APOBEC2: variants seen among roughly 807,000 people sequenced by gnomAD.
APOBEC2 encodes the protein apolipoprotein B mRNA editing enzyme catalytic subunit 2.
In APOBEC2, 14 loss-of-function variants were observed where a neutral mutation model predicts 19.4. That is an observed-to-expected ratio of 0.72 (90% CI 0.48 to 1.13). APOBEC2 has a LOEUF of 1.13. APOBEC2 is among the 50% of genes most tolerant of loss of function. The pLI is 0.00. For missense variants in APOBEC2, 304 were observed against 277.0 expected (o/e 1.10, Z -0.69); for synonymous variants, 127 against 112.1 (o/e 1.13, Z -0.84).
Position 41,053,466 on chromosome 6 carries a change from A to C in APOBEC2, c.119A>C (p.Glu40Ala). The change falls in exon 1 of 3, where the codon GAG (glutamate) becomes GCG (alanine). Residue 40 changes from glutamate (E) to alanine (A), a missense_variant. Physicochemically the swap from Glu to Ala is moderately radical, Grantham distance 107. Transcript: ENST00000244669. ...GAGCTGATTGAGCTGCCGCCCTTTG[A>C]GATTGTCACAGGGTAAGCCTCAGAT... ...LKELIELPPF[E>A]IVTGERLPAN... is the part of the protein sequence containing the mutation. 6.2e-7 allele frequency: 1 copy of C among 1,614,150 alleles called. No homozygotes were observed. Among genetic ancestry groups the C allele is most frequent in the Admixed American group, 1.7e-5 (1 of 60,012 alleles).
At chr6:41,060,998 A>C (rs1332591875) in intron 1 of APOBEC2, among the ~76,000 whole-genome samples, 2 of 152,184 alleles carry the variant, frequency 1.3e-5, no homozygotes, top group Admixed American at 1.3e-4. Flanking sequence ...GGTGATTCTA[A>C]GGTATAGGCA....
At chr6:41,057,694 A>G (rs1178359705) in intron 1 of APOBEC2, among the ~76,000 whole-genome samples, 2 of 152,116 alleles carry the variant, frequency 1.3e-5, no homozygotes, top group African/African-American at 4.8e-5. Flanking sequence ...CTATGAGTAG[A>G]TTTTTCCACT....
rs1485185802 is a variant in APOBEC2, at chr6:41,060,717, G to A, written c.132-611G>A. Among the ~76,000 whole-genome samples the A allele has an allele frequency of 2.6e-5, 4 of 152,184 alleles. No homozygotes were observed. The South Asian group carries it at 8.3e-4, about 31-fold the overall frequency. ...ACAGACTTGAGAAGTAGTCACTTGA[G>A]AAGGAGAGCATGTTATTGCAAGTTT... On this transcript the variant is annotated intron_variant, in intron 1 of 2. Coordinates refer to ENST00000244669, the MANE Select transcript of APOBEC2 (RefSeq NM_006789.4).
rs747044459 is a variant in APOBEC2 at position 41,061,605 on chromosome 6, A to C, written c.409A>C (p.Lys137Gln). The change falls in exon 2 of 3, where the codon AAA (lysine) becomes CAA (glutamine). Residue 137 changes from lysine to glutamine, a missense_variant. Transcript: ENST00000244669. ...PCAACADRII[K>Q]TLSKTKNLRL... ...TGCAGCGTGTGCTGACCGCATTATC[A>C]AAACCCTTAGCAAGACCAAGAACCT... The C allele has an allele frequency of 6.2e-7, 1 of 1,614,164 alleles. No homozygotes were observed. Among genetic ancestry groups the C allele is most frequent in the South Asian group, 1.1e-5 (1 of 91,078 alleles).
At chr6:41,063,364 T>C (rs2268189) in intron 2 of APOBEC2, among the ~76,000 whole-genome samples, 12,821 of 152,172 alleles carry the variant, frequency 0.084, 645 homozygotes, top group Non-Finnish European at 0.11. Context: ...AAAATTTAAC[T>C]TTTAGAATTC....
rs375076306 is a variant in APOBEC2, at chr6:41,058,151, C to CCACA, written c.132-3143_132-3140dup. On this transcript the variant is annotated intron_variant, in intron 1 of 2. Transcript: ENST00000244669. ...CACCACCCACCACCACCACCCCACC[C>CCACA]CACACACACACACACACACACACAC... Among the ~76,000 whole-genome samples the CCACA allele has an allele frequency of 3.5e-3, 243 of 69,006 alleles. 6 individuals carry two copies. Among genetic ancestry groups the CCACA allele is most frequent in the Middle Eastern group, 9.1e-3 (1 of 110 alleles). The allele number at this position is 69,006 out of a possible 152,430, so 45.3% of individuals were successfully genotyped here.
In APOBEC2 at chr6:41,053,279, G is replaced by T; in HGVS notation, c.-69G>T. On this transcript the variant is annotated 5_prime_UTR_variant, in exon 1 of 3. Transcript: ENST00000244669. ...GCTGACAGCTGCTTGGGACTCTGCC[G>T]CCAGGGCCTGGCCCAGACCTGCCTG... is the stretch of plus-strand genomic sequence containing the variant. The T allele has an allele frequency of 6.4e-7, 1 of 1,557,336 alleles. No individual in the cohort carries two copies. The highest frequency in any genetic ancestry group is 8.7e-7 in the Non-Finnish European group (1 of 1,155,240).
chr6:41,058,421 ACACACT>A (rs1393634634), intron 1 of APOBEC2, among the ~76,000 whole-genome samples: 14 of 144,996 alleles, frequency 9.7e-5, no homozygotes, highest in South Asian at 6.5e-4. Flanking sequence ...ACACACACAC[ACACACT>A]CACACACACA....
At chr6:41,062,811 A>G (rs1473635751) in intron 2 of APOBEC2, among the ~76,000 whole-genome samples, 1 of 152,192 alleles carries the variant, frequency 6.6e-6, no homozygotes, top group Non-Finnish European at 1.5e-5. Flanking sequence ...AAGAGGGCTA[A>G]AGGATCCTTT....
chr6:41,058,134 A>C, intron 1 of APOBEC2, among the ~76,000 whole-genome samples: 1 of 144,412 alleles, frequency 6.9e-6, no homozygotes, highest in Non-Finnish European at 1.5e-5. Flanking sequence ...ACCACCACCC[A>C]CCACCACCAC....
chr6:41,061,850 G>T lies in APOBEC2; in HGVS notation c.654G>T (p.Lys218Asn). Residue 218 changes from lysine (K) to asparagine (N), a missense_variant, in exon 2 of 3, where the codon AAG becomes AAT. Coordinates refer to ENST00000244669, the MANE Select transcript of APOBEC2 (RefSeq NM_006789.4). Reference sequence around the variant, plus strand: ...AGAACTTCCTATACTACGAGGAGAAGTTGGCAGACATCCTGAAGTAGGGCA... The same window carrying T: ...AGAACTTCCTATACTACGAGGAGAATTTGGCAGACATCCTGAAGTAGGGCA... Reference protein sequence around the residue: ...IQENFLYYEEKLADILK With the variant: ...IQENFLYYEENLADILK 1 of 1,613,614 alleles carries T rather than the reference G, an allele frequency of 6.2e-7. No individual in the cohort carries two copies. Among genetic ancestry groups the T allele is most frequent in the Non-Finnish European group, 8.5e-7 (1 of 1,179,696 alleles).
At chr6:41,060,768 T>C (rs901434845) in intron 1 of APOBEC2, among the ~76,000 whole-genome samples, 4 of 152,236 alleles carry the variant, frequency 2.6e-5, no homozygotes, top group East Asian at 1.9e-4. Context: ...CAAGATGCAA[T>C]TTACATGAGT....
At chr6:41,057,709 G>A (rs983283777) in intron 1 of APOBEC2, among the ~76,000 whole-genome samples, 13 of 152,298 alleles carry the variant, frequency 8.5e-5, no homozygotes, top group African/African-American at 3.1e-4. Context: ...TCCACTCATG[G>A]ATTATTCTGG....
At chr6:41,058,402 CACACACA>C (rs1762828796) in intron 1 of APOBEC2, among the ~76,000 whole-genome samples, 1 of 55,772 alleles carries the variant, frequency 1.8e-5, no homozygotes, top group South Asian at 4.9e-4. Context: ...CACCCCACCA[CACACACA>C]CACACACACA....
intron 1 of APOBEC2, among the ~76,000 whole-genome samples, chr6:41,058,458 A>G (rs1455251242): frequency 1.3e-5 from 2 of 152,016 alleles, no homozygotes; most frequent in African/African-American, 4.8e-5. Flanking sequence ...CCCCTTTACC[A>G]GTAAAATATT....
chr6:41,057,923 A>C (rs1387470709), intron 1 of APOBEC2, among the ~76,000 whole-genome samples: 1 of 152,152 alleles, frequency 6.6e-6, no homozygotes, highest in African/African-American at 2.4e-5. Flanking sequence ...GTTTCCTCCC[A>C]AGTGAACTGA....
chr6:41,059,213 C>G (rs1376844965), intron 1 of APOBEC2, among the ~76,000 whole-genome samples: 1 of 152,224 alleles, frequency 6.6e-6, no homozygotes, highest in African/African-American at 2.4e-5. Flanking sequence ...AGGGACCACA[C>G]AGCAGCTACT....
intron 1 of APOBEC2, among the ~76,000 whole-genome samples, chr6:41,060,712 C>G (rs549735969): frequency 5.8e-4 from 89 of 152,328 alleles, no homozygotes; most frequent in African/African-American, 2.1e-3. Flanking sequence ...GAAGTAGTCA[C>G]TTGAGAAGGA....
chr6:41,056,798 GCTCT>G (rs1762801968), intron 1 of APOBEC2, among the ~76,000 whole-genome samples: 1 of 152,104 alleles, frequency 6.6e-6, no homozygotes. Context: ...TGGTTCTTAG[GCTCT>G]CTGTCAGACA....
Sources: allele counts gnomAD v4.1 joint callset (sites outside exome capture counted in the v4.1 genomes callset), GRCh38; gene constraint gnomAD v4.1.1; transcripts MANE v1.5; gene names NCBI Gene and HGNC (gene_info 2026-07-23, HGNC 2026-07-21).